Variants in PARN observed in about 807,000 individuals in gnomAD.
PARN encodes the protein poly(A)-specific ribonuclease PARN.
PARN carries 71 observed loss-of-function variants against 102.8 expected under a neutral mutation model. The observed-to-expected ratio is 0.69, with a 90% CI of 0.57 to 0.84. PARN has a LOEUF of 0.84. PARN is among the 40% of genes least tolerant of loss of function. The pLI is 0.00. For missense variants in PARN, 782 were observed against 760.9 expected (o/e 1.03, Z -0.33); for synonymous variants, 261 against 252.9 (o/e 1.03, Z -0.30).
intron 21 of PARN, among the ~76,000 whole-genome samples, chr16:14,496,963 C>A (rs1243382989): frequency 6.6e-6 from 1 of 152,144 alleles, no homozygotes; most frequent in African/African-American, 2.4e-5. Flanking sequence ...AATAACTTGC[C>A]TGATGTCACC....
At chr16:14,495,591 A>C (rs1316703152) in intron 21 of PARN, among the ~76,000 whole-genome samples, 1 of 152,352 alleles carries the variant, frequency 6.6e-6, no homozygotes, top group East Asian at 1.9e-4. Flanking sequence ...TGTGGGGACC[A>C]CAGCGAGAGG....
At chr16:14,466,577 T>G (rs1306958200) in intron 22 of PARN, among the ~76,000 whole-genome samples, 1 of 152,186 alleles carries the variant, frequency 6.6e-6, no homozygotes, top group Non-Finnish European at 1.5e-5. Flanking sequence ...CAAGTCCATG[T>G]TTATCAGGTA....
chr16:14,594,989 TG>T (rs1970414333), intron 12 of PARN, among the ~76,000 whole-genome samples: 2 of 152,274 alleles, frequency 1.3e-5, no homozygotes, highest in African/African-American at 4.8e-5. Context: ...TGAACCAAAC[TG>T]TATTATAAAT....
At chr16:14,440,471 T>C (rs1960895550) in intron 23 of PARN, among the ~76,000 whole-genome samples, 1 of 152,126 alleles carries the variant, frequency 6.6e-6, no homozygotes, top group Admixed American at 6.5e-5. Flanking sequence ...AAATATACAG[T>C]TACCATATGA....
At chr16:14,597,069 G>C (rs531310213) in intron 12 of PARN, among the ~76,000 whole-genome samples, 2 of 152,090 alleles carry the variant, frequency 1.3e-5, no homozygotes, top group African/African-American at 4.8e-5. Context: ...TTACAGGTGT[G>C]AGCCACCATG....
At chr16:14,464,762 T>C (rs1596458986) in intron 22 of PARN, among the ~76,000 whole-genome samples, 1 of 142,560 alleles carries the variant, frequency 7.0e-6, no homozygotes, top group African/African-American at 2.6e-5. Context: ...TTTGGAAAAA[T>C]AAAAGTAAAA....
At chr16:14,518,934 G>C (rs1036959922) in intron 21 of PARN, among the ~76,000 whole-genome samples, 1 of 152,146 alleles carries the variant, frequency 6.6e-6, no homozygotes. Flanking sequence ...ATCAGACTGT[G>C]CACCCCTAGA....
chr16:14,542,778 CT>C (rs1966849420), intron 21 of PARN, among the ~76,000 whole-genome samples: 2 of 151,762 alleles, frequency 1.3e-5, no homozygotes, highest in African/African-American at 4.8e-5. Flanking sequence ...AATATATAAC[CT>C]GAAGAAGACA....
chr16:14,551,494 G>A (rs1282389400), intron 21 of PARN, among the ~76,000 whole-genome samples: 5 of 151,962 alleles, frequency 3.3e-5, no homozygotes, highest in Non-Finnish European at 7.4e-5. Flanking sequence ...GCTTGAACCC[G>A]AGAACCAGAG....
chr16:14,510,650 T>C (rs1965139105), intron 21 of PARN, among the ~76,000 whole-genome samples: 1 of 152,230 alleles, frequency 6.6e-6, no homozygotes, highest in Non-Finnish European at 1.5e-5. Flanking sequence ...TTTCTTAATC[T>C]ACCCTTCTGC....
At chr16:14,582,691 G>C (rs577764799) in intron 16 of PARN, among the ~76,000 whole-genome samples, 1 of 151,928 alleles carries the variant, frequency 6.6e-6, no homozygotes, top group Non-Finnish European at 1.5e-5. Flanking sequence ...CCAGAGTAAA[G>C]ATTAAGAGCA....
At chr16:14,446,092 G>A (rs989460081) in intron 23 of PARN, among the ~76,000 whole-genome samples, 1 of 152,206 alleles carries the variant, frequency 6.6e-6, no homozygotes, top group Non-Finnish European at 1.5e-5. Context: ...TTGCTGGACC[G>A]CCCCCTGCAG....
intron 21 of PARN, among the ~76,000 whole-genome samples, chr16:14,502,294 T>C (rs747267619): frequency 1.5e-4 from 23 of 152,188 alleles, no homozygotes; most frequent in Non-Finnish European, 3.2e-4. Flanking sequence ...CTGGAGAACA[T>C]GCGTCTCTCA....
chr16:14,520,417 T>C (rs1965677411), intron 21 of PARN, among the ~76,000 whole-genome samples: 1 of 152,188 alleles, frequency 6.6e-6, no homozygotes, highest in African/African-American at 2.4e-5. Context: ...ATACTAATAT[T>C]GTACCTATGT....
intron 18 of PARN, among the ~76,000 whole-genome samples, chr16:14,573,576 C>T (rs183931807): frequency 6.0e-4 from 91 of 152,292 alleles, no homozygotes; most frequent in Non-Finnish European, 1.1e-3. Context: ...ATAACCTCGA[C>T]GGAAGATGAT....
chr16:14,571,795 G>A (rs533271148), intron 18 of PARN, among the ~76,000 whole-genome samples: 1 of 152,250 alleles, frequency 6.6e-6, no homozygotes, highest in Admixed American at 6.5e-5. Context: ...ATTTAAAAAC[G>A]AGGAAGCTGA....
At chr16:14,521,759 G>A (rs1304129374) in intron 21 of PARN, among the ~76,000 whole-genome samples, 2 of 150,618 alleles carry the variant, frequency 1.3e-5, no homozygotes, top group Admixed American at 6.6e-5. Flanking sequence ...CCAAGATTGC[G>A]CCATTGCACT....
intron 9 of PARN, 24 bp downstream of exon 9, chr16:14,608,257 G>A: frequency 1.3e-6 from 2 of 1,496,438 alleles, no homozygotes; most frequent in Non-Finnish European, 1.8e-6. Flanking sequence ...CCACAGAGCT[G>A]CTGCATACAA....
At chr16:14,438,286 C>G (rs1205959665) in intron 23 of PARN, among the ~76,000 whole-genome samples, 4 of 152,096 alleles carry the variant, frequency 2.6e-5, no homozygotes, top group Non-Finnish European at 4.4e-5. Context: ...TTGCAGTAGC[C>G]AATTAGCCAT....
Sources: gnomAD v4.1 joint callset for allele counts (sites outside exome capture counted in the v4.1 genomes callset) on GRCh38, gnomAD v4.1.1 for gene constraint, MANE v1.5 for transcripts, NCBI Gene and HGNC (gene_info 2026-07-23, HGNC 2026-07-21) for gene names.